PHRF1: variants seen among roughly 807,000 people sequenced by gnomAD.
PHRF1 encodes the protein PHD and ring finger domains 1.
PHRF1 carries 53 observed loss-of-function variants against 128.9 expected under a neutral mutation model. The ratio of observed to expected loss-of-function variants is 0.41; its 90% confidence interval spans 0.33 to 0.52. PHRF1 has a LOEUF of 0.52. PHRF1 is among the 20% of genes least tolerant of loss of function. The pLI is 0.21. For missense variants in PHRF1, 2,503 were observed against 2,284.5 expected (o/e 1.10, Z -1.95); for synonymous variants, 1,178 against 980.6 (o/e 1.20, Z -3.76).
rs1261106566 is a variant in PHRF1 at position 598,390 on chromosome 11, C to G, written c.912C>G (p.Leu304=). The change falls in exon 9 of 18, where the codon CTC becomes CTG. Residue 304 remains leucine (L), a synonymous_variant. Transcript: ENST00000264555. ...ARRVQHTPGR[L]GSSLLDEAIE... ...GCCTGTAGCACACACCAGGGCGCCT[C>G]GGGTCTTCCCTGCTGGATGAAGCCA... 7 of 1,610,072 alleles carry G rather than the reference C, an allele frequency of 4.3e-6. No individual in the cohort carries two copies. Among genetic ancestry groups the G allele is most frequent in the Non-Finnish European group, 5.9e-6 (7 of 1,179,762 alleles).
chr11:584,395 C>CGTG (rs1264687954), intron 3 of PHRF1, among the ~76,000 whole-genome samples: 2 of 152,148 alleles, frequency 1.3e-5, no homozygotes, highest in Non-Finnish European at 2.9e-5. Context: ...GGGCCCCCAC[C>CGTG]GTGTCTGCGC....
chr11:584,112 G>A (rs7120313), intron 3 of PHRF1, among the ~76,000 whole-genome samples: 70,862 of 152,132 alleles, frequency 0.47, 18,515 homozygotes, highest in East Asian at 0.71. Flanking sequence ...TGTGTTGGCC[G>A]TGTCCTTCCA....
intron 10 of PHRF1, among the ~76,000 whole-genome samples, chr11:603,228 G>A (rs150359061): frequency 2.0e-5 from 3 of 151,826 alleles, no homozygotes; most frequent in South Asian, 2.1e-4. Flanking sequence ...GCTAGTTTTT[G>A]TATTTTTCGT....
Position 597,373 on chromosome 11 carries a change from C to G in PHRF1, c.719-22C>G. On this transcript the variant is annotated intron_variant, in intron 7 of 17. Transcript: ENST00000264555. This position sits in a 1 kb window ranked among gnomAD's most constrained non-coding sequence, Gnocchi z 6.5. ...CGTGTGGCCTGTGAGTGTGGCACAT[C>G]AGCCCTGGTGGTTCTTCCCAGATGC... 6.2e-7 allele frequency: 1 copy of G among 1,603,512 alleles called. No individual in the cohort carries two copies. Among genetic ancestry groups the G allele is most frequent in the Non-Finnish European group, 8.5e-7 (1 of 1,173,878 alleles).
In PHRF1 at chr11:598,356, C is replaced by G. The variant is rs757461169; in HGVS notation, c.895-17C>G. 6 of 1,604,020 alleles carry G rather than the reference C, an allele frequency of 3.7e-6. No individual in the cohort carries two copies. The African/African-American group carries it at 8.0e-5, about 21-fold the overall frequency. On this transcript the variant is annotated splice_polypyrimidine_tract_variant and intron_variant, in intron 8 of 17. Coordinates refer to ENST00000264555, the MANE Select transcript of PHRF1 (RefSeq NM_001286581.2). ...AGGCCCCAAGGGCATCTGACGGCAC[C>G]ACCCCTTTGCCTGTAGCACACACCA...
Position 601,623 on chromosome 11 carries a change from C to T in PHRF1, c.1074C>T (p.Ser358=), listed in dbSNP as rs748089665. The stretch of plus-strand genomic sequence containing the variant: ...GAAAGAAAACCCCGTCCGGACCATC[C>T]GCAAAAAGTAAGAGCTCAGCGACAA... ...PGRKKTPSGP[S]AKSKSSATRS... The change falls in exon 10 of 18, where the codon TCC becomes TCT. Residue 358 remains serine (S), a synonymous_variant. Transcript: ENST00000264555. 1.6e-5 allele frequency: 26 copies of T among 1,613,498 alleles called. No individual in the cohort carries two copies. Among genetic ancestry groups the T allele is most frequent in the East Asian group, 4.5e-5 (2 of 44,884 alleles).
At chr11:585,049 T>G (rs1854447855) in intron 3 of PHRF1, among the ~76,000 whole-genome samples, 1 of 152,182 alleles carries the variant, frequency 6.6e-6, no homozygotes, top group African/African-American at 2.4e-5. Context: ...GGACTGTTTT[T>G]TAAACATGAA....
intron 6 of PHRF1, 73 bp downstream of exon 6, chr11:592,747 G>A: frequency 6.7e-7 from 1 of 1,499,390 alleles, no homozygotes. Context: ...GGGATGCAGA[G>A]CCTCTTCGCT....
rs1437772767 is a variant in PHRF1, at chr11:600,512, A to ATATATATATATATG, written c.1025-1055_1025-1054insATATATGTATATAT. On this transcript the variant is annotated intron_variant, in intron 9 of 17. Coordinates refer to ENST00000264555, the MANE Select transcript of PHRF1 (RefSeq NM_001286581.2). ...TCCAAAAATATATATATATATATAT[A>ATATATATATATATG]TATATATGGTTTATTTCTCCGTTTA... is the stretch of plus-strand genomic sequence containing the variant. Among the ~76,000 whole-genome samples the ATATATATATATATG allele has an allele frequency of 6.7e-3, 966 of 144,474 alleles. 21 individuals are homozygous for ATATATATATATATG. Among genetic ancestry groups the ATATATATATATATG allele is most frequent in the African/African-American group, 0.024 (898 of 38,028 alleles). 94.8% of individuals were successfully genotyped at this position (144,474 alleles called of 152,430 possible). A position where few individuals can be genotyped will look rare whatever the true frequency, so the allele number is the denominator to read the frequency against.
Position 597,673 on chromosome 11 carries a change from G to A in PHRF1, c.894+103G>A, listed in dbSNP as rs952661633. Reference sequence around the variant, plus strand: ...GGGCGTCGTCGGCACTGTGGGGTCCGCCCGGCCCCGGTGGCTCATGTTGTT... The same window carrying A: ...GGGCGTCGTCGGCACTGTGGGGTCCACCCGGCCCCGGTGGCTCATGTTGTT... On this transcript the variant is annotated intron_variant, in intron 8 of 17. Coordinates refer to ENST00000264555, the MANE Select transcript of PHRF1 (RefSeq NM_001286581.2). The surrounding 1 kb of genome is among the most constrained non-coding windows in gnomAD (Gnocchi z 6.5). The A allele has an allele frequency of 1.0e-5, 14 of 1,399,732 alleles. 1 individual carries two copies. Among genetic ancestry groups the A allele is most frequent in the Middle Eastern group, 2.5e-4 (1 of 3,952 alleles). The allele number at this position is 1,399,732 out of a possible 1,614,324, so 86.7% of individuals were successfully genotyped here.
At chr11:607,033 G>A (rs1855989402) in intron 13 of PHRF1, 33 bp from the exon 14 acceptor site, 1 of 1,532,770 alleles carries the variant, frequency 6.5e-7, no homozygotes, top group East Asian at 2.3e-5. Flanking sequence ...GAGTGGGTGG[G>A]AAATGATTGC....
chr11:609,100 A>T lies in PHRF1; in HGVS notation c.3644A>T (p.Asp1215Val), dbSNP rs994456391. Residue 1215 changes from aspartate to valine, a missense_variant, in exon 14 of 18, where the codon GAC becomes GTC. Transcript: ENST00000264555. ...PLAQGEPGRE[D>V]LPTRLPALGE... ...GCACAGGGGGAGCCAGGGCGGGAAGACCTCCCCACCAGGTTGCCAGCCTTG... is the reference window on the plus strand; with the variant it reads ...GCACAGGGGGAGCCAGGGCGGGAAGTCCTCCCCACCAGGTTGCCAGCCTTG... The T allele has an allele frequency of 1.1e-5, 17 of 1,603,898 alleles. No individual in the cohort carries two copies. The highest frequency in any genetic ancestry group is 1.4e-5 in the Non-Finnish European group (16 of 1,176,220).
chr11:599,230 CTTTTTCTTTTTT>C (rs1166990834), intron 9 of PHRF1, among the ~76,000 whole-genome samples: 1 of 140,950 alleles, frequency 7.1e-6, no homozygotes, highest in African/African-American at 2.6e-5. Flanking sequence ...AGCATGCATA[CTTTTTCTTTTTT>C]TTTTTCTTTT....
At chr11:581,051 C>A (rs556039027) in intron 1 of PHRF1, among the ~76,000 whole-genome samples, 9 of 151,970 alleles carry the variant, frequency 5.9e-5, no homozygotes, top group African/African-American at 2.2e-4. Context: ...CTCAAACTCC[C>A]GACCTCAGGT....
chr11:605,287 G>A lies in PHRF1; in HGVS notation c.1321G>A (p.Asp441Asn), dbSNP rs1296776576. ...LSLFGDPYELDPFDSSEELSA... is the reference protein window; with the variant it reads ...LSLFGDPYELNPFDSSEELSA... ...TCTGTTTGGAGATCCTTATGAGCTG[G>A]ATCCCTTCGACAGGTGAGTGAACTG... Residue 441 changes from aspartate (D) to asparagine (N), a missense_variant, in exon 11 of 18, where the codon GAT becomes AAT. By Grantham distance (23) the Asp-to-Asn change is conservative (BLOSUM62 1). Coordinates refer to ENST00000264555, the MANE Select transcript of PHRF1 (RefSeq NM_001286581.2). 1 of 1,613,360 alleles carries A rather than the reference G, an allele frequency of 6.2e-7. No homozygotes were observed. Among genetic ancestry groups the A allele is most frequent in the African/African-American group, 1.3e-5 (1 of 74,948 alleles).
intron 15 of PHRF1, 69 bp from the exon 16 acceptor site, chr11:610,432 G>C: frequency 6.4e-7 from 1 of 1,550,516 alleles, no homozygotes; most frequent in Non-Finnish European, 8.7e-7. Flanking sequence ...TGGGGCTGAG[G>C]CCTCACAGCT....
At chr11:586,851 G>A (rs931354004) in intron 3 of PHRF1, among the ~76,000 whole-genome samples, 10 of 152,118 alleles carry the variant, frequency 6.6e-5, no homozygotes, top group Admixed American at 5.2e-4. Context: ...GGGGGCGTTG[G>A]AAATGGGGGC....
intron 13 of PHRF1, 164 bp downstream of exon 13, chr11:606,760 CAGTT>C (rs1047104217): frequency 1.1e-5 from 12 of 1,108,660 alleles, no homozygotes; most frequent in South Asian, 3.3e-5. Context: ...AGCAGTTTCT[CAGTT>C]AGCTCCGAGT....
chr11:603,014 G>A (rs1429883583), intron 10 of PHRF1, among the ~76,000 whole-genome samples: 1 of 151,842 alleles, frequency 6.6e-6, no homozygotes, highest in Admixed American at 6.6e-5. Context: ...GCCCACCTCG[G>A]CCCCCAAAGT....
Sources: gnomAD v4.1 joint callset for allele counts (sites outside exome capture counted in the v4.1 genomes callset) on GRCh38, gnomAD v4.1.1 for gene constraint, Gnocchi (gnomAD v3.1) non-coding constraint, MANE v1.5 for transcripts, NCBI Gene and HGNC (gene_info 2026-07-23, HGNC 2026-07-21) for gene names.